NHS: variants seen among roughly 807,000 people sequenced by gnomAD.
NHS encodes actin remodeling regulator NHS.
Under a neutral mutation model 72.5 loss-of-function variants are expected in NHS, and 5 were observed. The observed-to-expected ratio is 0.07, with a 90% CI of 0.04 to 0.14. The LOEUF is 0.14. Ranked by LOEUF, NHS falls within the 10% of genes least tolerant of loss-of-function variation. The pLI is 1.00. For missense variants in NHS, 1,072 were observed against 1,355.7 expected (o/e 0.79, Z 3.29); for synonymous variants, 464 against 547.7 (o/e 0.85, Z 2.13).
chrX:17,692,069 T>G (rs2066198992), intron 2 of NHS, among the ~76,000 whole-genome samples: 1 of 111,773 alleles, frequency 8.9e-6, no homozygotes, highest in Non-Finnish European at 1.9e-5. Flanking sequence ...TGTTTTGAAA[T>G]AAGTCACACT....
intron 1 of NHS, among the ~76,000 whole-genome samples, chrX:17,409,420 G>C (rs2064546680): frequency 9.4e-6 from 1 of 106,745 alleles, no homozygotes; most frequent in African/African-American, 3.5e-5. Context: ...ATTCTCCTAA[G>C]CTTGTCAATT....
chrX:17,680,169 T>G (rs2066118190), intron 1 of NHS, among the ~76,000 whole-genome samples: 2 of 111,231 alleles, frequency 1.8e-5, no homozygotes, highest in African/African-American at 6.6e-5. Flanking sequence ...GTGAGAAGTG[T>G]TTTTTTTCCC....
At chrX:17,669,685 G>A (rs1446718920) in intron 1 of NHS, among the ~76,000 whole-genome samples, 1 of 112,125 alleles carries the variant, frequency 8.9e-6, no homozygotes, top group Non-Finnish European at 1.9e-5. Context: ...GAAGTAGGGA[G>A]AGAGAGTGAT....
chrX:17,440,860 A>G (rs763963789), intron 1 of NHS, among the ~76,000 whole-genome samples: 1 of 111,658 alleles, frequency 9.0e-6, no homozygotes, highest in South Asian at 3.8e-4. Flanking sequence ...AGTTAGACAA[A>G]GATTTCTCTG....
intron 1 of NHS, among the ~76,000 whole-genome samples, chrX:17,565,983 CT>C (rs538804816): frequency 0.043 from 4,137 of 97,018 alleles, 160 homozygotes; most frequent in African/African-American, 0.11. Context: ...GACTTTCTGT[CT>C]TTTTTTTTTT....
At chrX:17,438,599 A>G (rs892274219) in intron 1 of NHS, among the ~76,000 whole-genome samples, 1 of 112,220 alleles carries the variant, frequency 8.9e-6, no homozygotes, top group Non-Finnish European at 1.9e-5. Flanking sequence ...TCGCTTGCAC[A>G]TTAGCATTGG....
intron 1 of NHS, among the ~76,000 whole-genome samples, chrX:17,430,302 TCTTTCTTTCTTTC>T (rs1410613686): frequency 2.4e-5 from 2 of 83,773 alleles, no homozygotes; most frequent in African/African-American, 4.8e-5. Context: ...TTTCTTTCTT[TCTTTCTTTCTTTC>T]CTTTCTTTCT....
At chrX:17,711,448 C>T (rs1395977700) in intron 3 of NHS, among the ~76,000 whole-genome samples, 1 of 112,244 alleles carries the variant, frequency 8.9e-6, no homozygotes, top group Admixed American at 9.4e-5. Context: ...TTATGCTTTG[C>T]ACATTTAAAA....
At chrX:17,641,848 G>C (rs111275483) in intron 1 of NHS, among the ~76,000 whole-genome samples, 1,727 of 111,901 alleles carry the variant, frequency 0.015, 36 homozygotes, top group African/African-American at 0.052. Flanking sequence ...GGTGACAAGG[G>C]AAAGGGAAGG....
chrX:17,391,391 G>C (rs1293864926), intron 1 of NHS, among the ~76,000 whole-genome samples: 1 of 112,183 alleles, frequency 8.9e-6, no homozygotes, highest in Non-Finnish European at 1.9e-5. Context: ...TCATTTTATA[G>C]AGTTGTGTAG....
intron 1 of NHS, among the ~76,000 whole-genome samples, chrX:17,684,545 A>G (rs1039036306): frequency 9.0e-6 from 1 of 111,464 alleles, no homozygotes; most frequent in African/African-American, 3.3e-5. Flanking sequence ...CTCAGCTCCT[A>G]GAGGCCACCT....
In NHS at chrX:17,733,603, G is replaced by C. The variant is rs757856502; in HGVS notation, c.*1139G>C. The C allele has an allele frequency of 3.6e-5, 4 of 112,540 alleles. No homozygotes were observed. The highest frequency in any genetic ancestry group is 7.5e-5 in the Non-Finnish European group (4 of 53,233). 9.3% of individuals were successfully genotyped at this position (112,540 alleles called of 1,213,427 possible). ...GCTATTGATTAATCAGTAAGTACCT[G>C]TAATGAGTTTTCAGTGAAGCTTTCT... is the stretch of plus-strand genomic sequence containing the variant. On this transcript the variant is annotated 3_prime_UTR_variant, in exon 9 of 9. Coordinates refer to ENST00000676302, the MANE Select transcript of NHS (RefSeq NM_001291867.2).
At chrX:17,691,315 T>G (rs893746695) in intron 2 of NHS, among the ~76,000 whole-genome samples, 1 of 112,301 alleles carries the variant, frequency 8.9e-6, no homozygotes, top group Non-Finnish European at 1.9e-5. Context: ...GCTTGCATAA[T>G]GATGGTGGCA....
At chrX:17,452,281 T>G (rs1184788805) in intron 1 of NHS, among the ~76,000 whole-genome samples, 1 of 111,893 alleles carries the variant, frequency 8.9e-6, no homozygotes. Flanking sequence ...AAGTTTCGTT[T>G]CCAGTTTAGT....
intron 1 of NHS, among the ~76,000 whole-genome samples, chrX:17,664,362 G>A (rs1441664303): frequency 9.0e-6 from 1 of 111,610 alleles, no homozygotes; most frequent in African/African-American, 3.3e-5. Context: ...CTAATTACCG[G>A]TTGTGTATGG....
intron 1 of NHS, among the ~76,000 whole-genome samples, chrX:17,480,380 T>G (rs2064941411): frequency 1.8e-5 from 2 of 111,952 alleles, no homozygotes; most frequent in Non-Finnish European, 3.8e-5. Context: ...GACTTCAAAC[T>G]ATACTACAAG....
Position 17,725,540 on chromosome X carries a change from T to A in NHS, c.1434T>A (p.His478Gln). ...AAAGCATTGCAGCTTCCCTTTCTCA[T>A]TCTGCTGGCAACATTTCTGCCCTAG... ...RGQSIAASLS[H>Q]SAGNISALAD... The change falls in exon 7 of 9, where the codon CAT becomes CAA. Residue 478 changes from histidine to glutamine, a missense_variant. Physicochemically the swap from His to Gln is conservative, Grantham distance 24. Coordinates refer to ENST00000676302, the MANE Select transcript of NHS (RefSeq NM_001291867.2). 8.3e-7 allele frequency: 1 copy of A among 1,211,744 alleles called. No homozygotes were observed. The highest frequency in any genetic ancestry group is 1.1e-6 in the Non-Finnish European group (1 of 895,540).
At chrX:17,418,005 T>G (rs1163055362) in intron 1 of NHS, among the ~76,000 whole-genome samples, 1 of 112,129 alleles carries the variant, frequency 8.9e-6, no homozygotes, top group African/African-American at 3.2e-5. Flanking sequence ...CCCAAGAGCA[T>G]GTTCATGAAA....
chrX:17,617,432 T>C (rs145832457), intron 1 of NHS, among the ~76,000 whole-genome samples: 1 of 112,632 alleles, frequency 8.9e-6, no homozygotes, highest in African/African-American at 3.2e-5. Context: ...GAAAACATCT[T>C]TCTCAGCCAA....
Sources: allele counts gnomAD v4.1 joint callset (sites outside exome capture counted in the v4.1 genomes callset), GRCh38; gene constraint gnomAD v4.1.1; transcripts MANE v1.5; gene names NCBI Gene and HGNC (gene_info 2026-07-23, HGNC 2026-07-21).